CPS1: variants seen among roughly 807,000 people sequenced by gnomAD.
CPS1 encodes the protein carbamoyl-phosphate synthase 1, also known as carbamoyl-phosphate synthase [ammonia], mitochondrial.
A neutral mutation model predicts 174.6 loss-of-function variants in CPS1; 109 were observed. The ratio of observed to expected loss-of-function variants is 0.62; its 90% CI spans 0.53 to 0.73. The LOEUF (loss-of-function observed/expected upper bound fraction) is 0.73. CPS1 is among the 30% of genes least tolerant of loss of function. CPS1 has a pLI of 0.00. For synonymous variants in CPS1, 637 were observed against 632.0 expected (o/e 1.01, Z -0.12); for missense variants, 1,689 against 1,821.9 (o/e 0.93, Z 1.33).
chr2:210,600,722 C>A lies in CPS1; in HGVS notation c.1707+10C>A. On this transcript the variant is annotated intron_variant, in intron 15 of 37. Transcript: ENST00000233072. The stretch of plus-strand genomic sequence containing the variant: ...TTTTGCAGTGGAATCGGTAAGGATT[C>A]TTTGCTTTGGAAAAACAAGGGCATT... 6.2e-7 allele frequency: 1 copy of A among 1,611,340 alleles called. No homozygotes were observed.
chr2:210,539,047 C>T lies in CPS1; in HGVS notation c.4-17672C>T, dbSNP rs1422329191. On this transcript the variant is annotated intron_variant, in intron 1 of 38. Transcript: ENST00000430249. ...GTATATTGTTGTATAAATTGCTTTC[C>T]GCACTCATTGGCATGCCTTAGAATT... Among the ~76,000 whole-genome samples, 10 of 152,038 alleles carry T rather than the reference C, an allele frequency of 6.6e-5. No individual in the cohort carries two copies. The East Asian group carries it at 1.4e-3, about 21-fold the overall frequency.
chr2:210,552,446 G>T (rs1696755597), upstream of CPS1, among the ~76,000 whole-genome samples: 1 of 151,948 alleles, frequency 6.6e-6, no homozygotes, highest in Non-Finnish European at 1.5e-5. Flanking sequence ...TCTCTTGCAT[G>T]CTTGCTATGT....
intron 1 of CPS1, among the ~76,000 whole-genome samples, chr2:210,563,588 C>T (rs1017587324): frequency 1.3e-5 from 2 of 151,972 alleles, no homozygotes; most frequent in African/African-American, 2.4e-5. Flanking sequence ...ATAAAAGACC[C>T]GAAGAAAACT....
intron 28 of CPS1, among the ~76,000 whole-genome samples, chr2:210,652,816 A>T (rs941138656): frequency 6.6e-6 from 1 of 152,184 alleles, no homozygotes; most frequent in African/African-American, 2.4e-5. Context: ...TTAATGGAAG[A>T]TTTGAGAATG....
In CPS1 at chr2:210,511,013, C is replaced by G. The variant is rs185649163; in HGVS notation, c.3+33247C>G. ...CTAGAACTAGAAATATCGTTTGACCCAGCCATCCCATTACTGGATGTATAT... is the reference window on the plus strand; with the variant it reads ...CTAGAACTAGAAATATCGTTTGACCGAGCCATCCCATTACTGGATGTATAT... On this transcript the variant is annotated intron_variant, in intron 1 of 38. Coordinates refer to the CPS1 transcript ENST00000430249. Among the ~76,000 whole-genome samples the G allele has an allele frequency of 3.7e-3, 564 of 152,258 alleles. 3 individuals are homozygous for G. Among genetic ancestry groups the G allele is most frequent in the Non-Finnish European group, 6.5e-3 (445 of 68,006 alleles).
intron 21 of CPS1, among the ~76,000 whole-genome samples, chr2:210,632,968 T>C (rs1325940680): frequency 6.6e-6 from 1 of 152,200 alleles, no homozygotes; most frequent in African/African-American, 2.4e-5. Context: ...TGGGCAGAAG[T>C]TGAAGCAGTT....
In CPS1 at chr2:210,639,408, C is replaced by G. The variant is rs1021038604; in HGVS notation, c.2895+193C>G. Among the ~76,000 whole-genome samples, 19 of 151,164 alleles carry G rather than the reference C, an allele frequency of 1.3e-4. No individual in the cohort carries two copies. The South Asian group carries it at 3.8e-3, about 30-fold the overall frequency. On this transcript the variant is annotated intron_variant, in intron 23 of 37. Transcript: ENST00000233072. ...CGGGTGGATCATGAGGTCAGGAGAT[C>G]GAGACCATCCTGGCTAACAAGGTGA...
intron 21 of CPS1, among the ~76,000 whole-genome samples, chr2:210,630,729 A>G (rs1699839848): frequency 1.3e-5 from 2 of 152,212 alleles, no homozygotes; most frequent in South Asian, 2.1e-4. Context: ...TCTAAATGCC[A>G]CTTCTATTTT....
intron 16 of CPS1, among the ~76,000 whole-genome samples, chr2:210,603,363 C>T (rs1282493657): frequency 6.6e-6 from 1 of 151,876 alleles, no homozygotes; most frequent in African/African-American, 2.4e-5. Context: ...TAAATAACTA[C>T]AATGGCAGAC....
At chr2:210,514,405 A>G (rs1433675992) in intron 1 of CPS1, among the ~76,000 whole-genome samples, 1 of 151,652 alleles carries the variant, frequency 6.6e-6, no homozygotes, top group East Asian at 1.9e-4. Flanking sequence ...TCACCTCCTT[A>G]GGTAGATGTA....
chr2:210,487,973 T>A (rs1694772160), intron 1 of CPS1, among the ~76,000 whole-genome samples: 1 of 152,158 alleles, frequency 6.6e-6, no homozygotes, highest in Non-Finnish European at 1.5e-5. Context: ...ACCATGGGGA[T>A]GTGTCCTAGT....
intron 5 of CPS1, among the ~76,000 whole-genome samples, chr2:210,580,839 C>T (rs965061517): frequency 8.3e-5 from 12 of 144,450 alleles, no homozygotes; most frequent in African/African-American, 2.3e-4. Context: ...CCAACCTGGG[C>T]GACTACAGGA....
chr2:210,541,342 A>G (rs1178872080), intron 1 of CPS1, among the ~76,000 whole-genome samples: 1 of 152,154 alleles, frequency 6.6e-6, no homozygotes. Context: ...AAATGCATAT[A>G]ATGTAGCTTG....
chr2:210,564,368 T>G (rs1697210019), intron 1 of CPS1, among the ~76,000 whole-genome samples: 1 of 152,078 alleles, frequency 6.6e-6, no homozygotes, highest in Non-Finnish European at 1.5e-5. Context: ...ACATTAAATT[T>G]AGTTAACAAT....
rs776595181 is a variant in CPS1 at position 210,588,060 on chromosome 2, T to C, written c.624T>C (p.Asp208=). The C allele has an allele frequency of 1.2e-6, 2 of 1,612,912 alleles. No individual in the cohort carries two copies. The highest frequency in any genetic ancestry group is 8.5e-7 in the Non-Finnish European group (1 of 1,179,136). The change falls in exon 7 of 38, where the codon GAT becomes GAC. Residue 208 remains aspartate, a splice_region_variant and synonymous_variant. Transcript: ENST00000233072. ...QNLIAEVSTK[D]VKVYGKGNPT... ...TTCTCTGGTTTTTAAAATGGCAGGATGTCAAAGTGTACGGCAAAGGAAACC... is the reference window on the plus strand; with the variant it reads ...TTCTCTGGTTTTTAAAATGGCAGGACGTCAAAGTGTACGGCAAAGGAAACC...
chr2:210,561,813 G>A (rs907309060), intron 1 of CPS1, among the ~76,000 whole-genome samples: 2 of 152,110 alleles, frequency 1.3e-5, no homozygotes, highest in East Asian at 1.9e-4. Context: ...ATATTTTCAA[G>A]GCTACTCTGT....
At chr2:210,551,854 G>C (rs1434809086), upstream of CPS1, among the ~76,000 whole-genome samples, 1 of 151,910 alleles carries the variant, frequency 6.6e-6, no homozygotes, top group Non-Finnish European at 1.5e-5. Context: ...CATGATATCT[G>C]TCTGTCATTT....
At chr2:210,562,650 G>A (rs917398204) in intron 1 of CPS1, among the ~76,000 whole-genome samples, 3 of 151,896 alleles carry the variant, frequency 2.0e-5, no homozygotes, top group Admixed American at 2.0e-4. Context: ...GTACTGAGGC[G>A]AACTAATAGC....
At chr2:210,562,700 TA>T (rs1405022645) in intron 1 of CPS1, among the ~76,000 whole-genome samples, 1 of 152,176 alleles carries the variant, frequency 6.6e-6, no homozygotes, top group Non-Finnish European at 1.5e-5. Flanking sequence ...GTATGTTATA[TA>T]GCCTTAGGCC....
Sources: gnomAD v4.1 joint callset for allele counts (sites outside exome capture counted in the v4.1 genomes callset) on GRCh38, gnomAD v4.1.1 for gene constraint, MANE v1.5 for transcripts, NCBI Gene and HGNC (gene_info 2026-07-23, HGNC 2026-07-21) for gene names.